Variants in CYB5R2 observed in about 807,000 individuals in gnomAD.
CYB5R2 encodes the protein cytochrome b5 reductase 2.
Under a neutral mutation model 29.8 loss-of-function variants are expected in CYB5R2, and 35 were observed. That is an observed-to-expected ratio of 1.17 (90% CI 0.90 to 1.56). CYB5R2 has a LOEUF of 1.56. CYB5R2 is among the 40% of genes most tolerant of loss of function. The pLI, the probability that CYB5R2 is intolerant of heterozygous loss-of-function variation, is 0.00. For missense variants in CYB5R2, 419 were observed against 346.7 expected, an observed-to-expected ratio of 1.21 and a Z score of -1.66; for synonymous variants, 169 against 130.6, an observed-to-expected ratio of 1.29 and a Z score of -2.01.
At chr11:7,674,237 C>T (rs1158361746), upstream of CYB5R2, 6 of 1,287,846 alleles carry the variant, frequency 4.7e-6, no homozygotes, top group Non-Finnish European at 6.1e-6. Flanking sequence ...TCATGGGCGC[C>T]TACCCTGGGC....
Position 7,669,228 on chromosome 11 carries a change from C to T in CYB5R2, c.365G>A (p.Gly122Glu). ...ACCTGGCCCATGGTAAAACAAGCGTCCCCTTGGCCCTCGAAAAAAGATGGT... is the reference window on the plus strand; with the variant it reads ...ACCTGGCCCATGGTAAAACAAGCGTTCCCTTGGCCCTCGAAAAAAGATGGT... ...GETIFFRGPR[G>E]RLFYHGPGNL... Residue 122 changes from glycine to glutamate, a missense_variant, in exon 5 of 9, where the codon GGA becomes GAA. Physicochemically the swap from Gly to Glu is moderately conservative, Grantham distance 98. Coordinates refer to ENST00000299498, the MANE Select transcript of CYB5R2 (RefSeq NM_016229.5). 1 of 1,614,116 alleles carries T rather than the reference C, an allele frequency of 6.2e-7. No individual in the cohort carries two copies. The highest frequency in any genetic ancestry group is 1.1e-5 in the South Asian group (1 of 91,078).
intron 3 of CYB5R2, chr11:7,671,944 A>G (rs1855767210): frequency 1.3e-5 from 2 of 155,024 alleles, no homozygotes; most frequent in Admixed American, 1.3e-4. Flanking sequence ...GGGGCAGGGC[A>G]CACCTGACTC....
At chr11:7,666,160 G>A (rs763650603) in intron 8 of CYB5R2, 2 of 601,058 alleles carry the variant, frequency 3.3e-6, no homozygotes, top group Non-Finnish European at 5.9e-6. Flanking sequence ...TGGCTGTGTG[G>A]AATGGGTGGG....
chr11:7,667,172 A>T (rs1255395007), intron 7 of CYB5R2: 1 of 152,274 alleles, frequency 6.6e-6, no homozygotes, highest in African/African-American at 2.4e-5. Flanking sequence ...TCTAAAAGTA[A>T]TCAAGCGTAG....
chr11:7,672,941 C>A (rs1334195230), intron 1 of CYB5R2, 50 bp from the exon 2 acceptor site: 3 of 1,555,116 alleles, frequency 1.9e-6, no homozygotes, highest in Non-Finnish European at 2.6e-6. Context: ...CCGCCCTGGA[C>A]AGGGCAGCTC....
rs74051970 is a variant in CYB5R2 at position 7,665,609 on chromosome 11, C to T, written c.659-63G>A. The T allele has an allele frequency of 2.1e-3, 3,193 of 1,500,204 alleles. 65 individuals carry two copies. The African/African-American group carries it at 0.035, about 17-fold the overall frequency. 92.9% of individuals were successfully genotyped at this position (1,500,204 alleles called of 1,614,324 possible). The stretch of plus-strand genomic sequence containing the variant: ...CCAGGTGGAGTTCCTGATCCCAGGC[C>T]GCCTGCACACCCACCCTCAGCCAGG... On this transcript the variant is annotated intron_variant, in intron 8 of 8. Transcript: ENST00000299498.
chr11:7,669,569 C>T (rs551210796), intron 4 of CYB5R2, 56 bp downstream of exon 4: 1 of 1,419,552 alleles, frequency 7.0e-7, no homozygotes, highest in Non-Finnish European at 9.6e-7. Flanking sequence ...CTCCACCCCA[C>T]CACCCTCAGT....
chr11:7,666,059 TC>T, intron 8 of CYB5R2: 1 of 726,822 alleles, frequency 1.4e-6, no homozygotes, highest in Non-Finnish European at 2.4e-6. Context: ...GCTCAGCATG[TC>T]CAGGTGAGGT....
Position 7,665,405 on chromosome 11 carries a change from C to A in CYB5R2, c.800G>T (p.Gly267Val), listed in dbSNP as rs768466892. 11 of 1,602,662 alleles carry A rather than the reference C, an allele frequency of 6.9e-6. No homozygotes were observed. In the South Asian group the frequency reaches 1.0e-4, roughly 15 times the overall value. ...TAAHPNLEKL[G>V]YTQDMIFTY is the part of the protein sequence containing the mutation. ...GGTGAAAATCATGTCCTGGGTATAA[C>A]CCAGCTTCTCCAGGTTAGGGTGAGC... Residue 267 changes from glycine to valine, a missense_variant, in exon 9 of 9, where the codon GGT (glycine) becomes GTT (valine). By Grantham distance (109) the Gly-to-Val change is moderately radical. Coordinates refer to ENST00000299498, the MANE Select transcript of CYB5R2 (RefSeq NM_016229.5).
intron 3 of CYB5R2, chr11:7,670,994 GAGGAGGAGGAGGC>G (rs1190329556): frequency 6.6e-6 from 1 of 152,176 alleles, no homozygotes; most frequent in Non-Finnish European, 1.5e-5. Flanking sequence ...AAGGTGCAGG[GAGGAGGAGGAGGC>G]AGGAGGAGAA....
At chr11:7,665,813 A>C in intron 8 of CYB5R2, 1 of 1,523,144 alleles carries the variant, frequency 6.6e-7, no homozygotes, top group South Asian at 1.2e-5. Flanking sequence ...GAAGGAGAAC[A>C]CAACGAGGTA....
upstream of CYB5R2, chr11:7,673,818 G>T: frequency 4.0e-6 from 4 of 987,902 alleles, no homozygotes; most frequent in Non-Finnish European, 3.6e-6. Flanking sequence ...AGCTCCGCCT[G>T]GCCGACGGGG....
At chr11:7,668,449 T>C in intron 6 of CYB5R2, 29 bp downstream of exon 6, 1 of 1,551,584 alleles carries the variant, frequency 6.4e-7, no homozygotes, top group Non-Finnish European at 8.9e-7. Flanking sequence ...GGGCTCACTC[T>C]CTGGATGGAG....
In CYB5R2 at chr11:7,673,414, C is replaced by T. The variant is rs979036774; in HGVS notation, c.-67+5G>A. Reference sequence around the variant, plus strand: ...ACTCGGGAGCCTCCCCGCATCTGTCCCTACCCTACAAGGCCGCCCTGCTCC... The same window carrying T: ...ACTCGGGAGCCTCCCCGCATCTGTCTCTACCCTACAAGGCCGCCCTGCTCC... On this transcript the variant is annotated splice_donor_5th_base_variant and intron_variant, in intron 1 of 8. Coordinates refer to ENST00000299498, the MANE Select transcript of CYB5R2 (RefSeq NM_016229.5). 4.0e-6 allele frequency: 4 copies of T among 994,592 alleles called. No homozygotes were observed. In the African/African-American group the frequency reaches 6.9e-5, roughly 17 times the overall value. 61.6% of individuals were successfully genotyped at this position (994,592 alleles called of 1,614,324 possible). A position where few individuals can be genotyped will look rare whatever the true frequency, so the allele number is the denominator to read the frequency against.
intron 3 of CYB5R2, chr11:7,670,835 T>C (rs188834017): frequency 6.6e-6 from 1 of 152,358 alleles, no homozygotes; most frequent in African/African-American, 2.4e-5. Flanking sequence ...GAGAAAGTTT[T>C]GTAACCCTAA....
chr11:7,668,737 T>G (rs1855524657), intron 5 of CYB5R2, 176 bp from the exon 6 acceptor site: 1 of 645,188 alleles, frequency 1.5e-6, no homozygotes, highest in Non-Finnish European at 2.8e-6. Flanking sequence ...GGTGCTCCAG[T>G]GCACAAAGTG....
chr11:7,672,727 C>T (rs1855831767), intron 2 of CYB5R2, 21 bp downstream of exon 2: 1 of 1,614,014 alleles, frequency 6.2e-7, no homozygotes, highest in Non-Finnish European at 8.5e-7. Flanking sequence ...CTGCCTTCCA[C>T]CCACAGGGCT....
At chr11:7,672,337 G>A (rs1332386000) in intron 3 of CYB5R2, 114 bp downstream of exon 3, 2 of 829,324 alleles carry the variant, frequency 2.4e-6, no homozygotes, top group East Asian at 5.1e-5. Context: ...GGCTCAGGAG[G>A]AGCAAGAGGG....
At chr11:7,668,262 G>A (rs1012260166) in intron 6 of CYB5R2, among the ~76,000 whole-genome samples, 1 of 152,220 alleles carries the variant, frequency 6.6e-6, no homozygotes, top group Non-Finnish European at 1.5e-5. Context: ...AGCCTGACCT[G>A]AAAGGTCCCC....
Sources: allele counts gnomAD v4.1 joint callset (sites outside exome capture counted in the v4.1 genomes callset), GRCh38; gene constraint gnomAD v4.1.1; transcripts MANE v1.5; gene names NCBI Gene and HGNC (gene_info 2026-07-23, HGNC 2026-07-21).